SOX6: variants seen among roughly 807,000 people sequenced by gnomAD.
SOX6 encodes transcription factor SOX-6.
A neutral mutation model predicts 97.8 loss-of-function variants in SOX6; 11 were observed. The observed-to-expected ratio is 0.11, with a 90% CI of 0.07 to 0.19. The LOEUF (loss-of-function observed/expected upper bound fraction) is 0.19. Among genes scored for constraint, SOX6 ranks in the 10% least tolerant of loss-of-function variants. SOX6 has a pLI of 1.00. For synonymous variants in SOX6, 360 were observed against 371.4 expected (o/e 0.97, Z 0.35); for missense variants, 810 against 1,039.5 (o/e 0.78, Z 3.04).
chr11:16,137,165 G>C (rs1037063114), intron 6 of SOX6, among the ~76,000 whole-genome samples: 35 of 152,214 alleles, frequency 2.3e-4, no homozygotes, highest in African/African-American at 8.4e-4. Flanking sequence ...GCCGGGAGCA[G>C]TGGCTCATGC....
chr11:16,134,002 C>T (rs1849889837), intron 6 of SOX6, among the ~76,000 whole-genome samples: 1 of 152,114 alleles, frequency 6.6e-6, no homozygotes, highest in Non-Finnish European at 1.5e-5. Flanking sequence ...AGTTTTAAGC[C>T]ACTATGGTAA....
chr11:15,991,744 C>CA (rs1223075482), intron 13 of SOX6, among the ~76,000 whole-genome samples: 1 of 152,142 alleles, frequency 6.6e-6, no homozygotes, highest in African/African-American at 2.4e-5. Flanking sequence ...TTTACTGTCT[C>CA]AAAGACTGAC....
At chr11:16,241,816 T>G (rs1326932374) in intron 3 of SOX6, among the ~76,000 whole-genome samples, 2 of 151,610 alleles carry the variant, frequency 1.3e-5, no homozygotes, top group Non-Finnish European at 2.9e-5. Flanking sequence ...GCAATAAGAG[T>G]GAATGAAGCC....
At chr11:16,652,105 A>G (rs1454310578) in intron 3 of SOX6, among the ~76,000 whole-genome samples, 1 of 152,194 alleles carries the variant, frequency 6.6e-6, no homozygotes, top group African/African-American at 2.4e-5. Flanking sequence ...GCTGAAAGAA[A>G]TTATCAATGA....
chr11:16,477,109 G>T (rs1036705409), upstream of SOX6, among the ~76,000 whole-genome samples: 5 of 152,116 alleles, frequency 3.3e-5, no homozygotes, highest in African/African-American at 1.2e-4. Flanking sequence ...TCTAAATACA[G>T]CATATTTTTA....
intron 4 of SOX6, among the ~76,000 whole-genome samples, chr11:16,529,995 A>C (rs1861217178): frequency 6.6e-6 from 1 of 152,088 alleles, no homozygotes; most frequent in African/African-American, 2.4e-5. Flanking sequence ...TAGAAAGTCT[A>C]ACTATGAAAC....
At chr11:16,593,406 C>T (rs1221773744) in intron 4 of SOX6, among the ~76,000 whole-genome samples, 1 of 152,066 alleles carries the variant, frequency 6.6e-6, no homozygotes, top group Non-Finnish European at 1.5e-5. Flanking sequence ...AAAGTAAAGA[C>T]ACCAAGGCCA....
At chr11:16,402,783 T>A in intron 1 of SOX6, 1 of 1,599,334 alleles carries the variant, frequency 6.3e-7, no homozygotes. Context: ...TCTACTATTG[T>A]TACATGAGAC....
At chr11:16,031,799 G>C (rs960440779) in intron 12 of SOX6, among the ~76,000 whole-genome samples, 3 of 151,998 alleles carry the variant, frequency 2.0e-5, no homozygotes, top group African/African-American at 7.2e-5. Flanking sequence ...GGGTAGGAAG[G>C]AGGTTAGGGA....
At chr11:16,211,526 A>G (rs1327635511) in intron 4 of SOX6, among the ~76,000 whole-genome samples, 2 of 152,168 alleles carry the variant, frequency 1.3e-5, no homozygotes, top group East Asian at 3.9e-4. Context: ...ATAGTGCTGT[A>G]TCCAGGAGAC....
At chr11:16,319,042 A>C (rs1472153069) in intron 2 of SOX6, among the ~76,000 whole-genome samples, 1 of 152,152 alleles carries the variant, frequency 6.6e-6, no homozygotes, top group Non-Finnish European at 1.5e-5. Flanking sequence ...TTTTAATTGG[A>C]CACTTTTAGT....
intron 4 of SOX6, among the ~76,000 whole-genome samples, chr11:16,503,100 A>T (rs1430373075): frequency 6.6e-6 from 1 of 152,158 alleles, no homozygotes; most frequent in South Asian, 2.1e-4. Flanking sequence ...CTAAATATAC[A>T]ATACCCAGCA....
intron 6 of SOX6, among the ~76,000 whole-genome samples, chr11:16,147,290 G>T (rs894400144): frequency 6.6e-6 from 1 of 152,108 alleles, no homozygotes; most frequent in Non-Finnish European, 1.5e-5. Context: ...CTCATAGGTG[G>T]GAATTGAACA....
intron 1 of SOX6, among the ~76,000 whole-genome samples, chr11:16,343,698 T>C (rs1565102304): frequency 6.6e-6 from 1 of 151,888 alleles, no homozygotes; most frequent in Non-Finnish European, 1.5e-5. Context: ...GGAGTGTTAA[T>C]TGAAAATCAA....
intron 2 of SOX6, among the ~76,000 whole-genome samples, chr11:16,730,031 T>TATAA (rs1280606576): frequency 2.0e-5 from 3 of 147,076 alleles, no homozygotes; most frequent in Non-Finnish European, 3.0e-5. Flanking sequence ...CTATCCTAAA[T>TATAA]ATATATATAT....
At chr11:16,261,620 G>A (rs1412380702) in intron 3 of SOX6, among the ~76,000 whole-genome samples, 1 of 149,702 alleles carries the variant, frequency 6.7e-6, no homozygotes, top group African/African-American at 2.4e-5. Flanking sequence ...CTTAATAATG[G>A]GAGTCTTCTT....
rs369733325 is a variant in SOX6, at chr11:16,318,427, C to G, written c.445+19G>C. ...TTAGAAGAAAAAAAACAGAGCCCAA[C>G]AGTGAAGTCCACACATACCCTCTTG... On this transcript the variant is annotated intron_variant, in intron 3 of 15. Coordinates refer to ENST00000683767, the MANE Select transcript of SOX6 (RefSeq NM_001367873.1). 1.2e-6 allele frequency: 2 copies of G among 1,607,392 alleles called. No individual in the cohort carries two copies. Among genetic ancestry groups the G allele is most frequent in the Non-Finnish European group, 8.5e-7 (1 of 1,175,908 alleles).
At chr11:16,058,868 G>A (rs969764308) in intron 9 of SOX6, among the ~76,000 whole-genome samples, 2 of 152,076 alleles carry the variant, frequency 1.3e-5, no homozygotes, top group African/African-American at 4.8e-5. Flanking sequence ...GGGCTGGAAG[G>A]GAGGAGGCAG....
rs1849594020 is a variant in SOX6, at chr11:16,125,816, T to TGGAAGGAAGGAAGGAAGGAAGGA, written c.778-13894_778-13893insTCCTTCCTTCCTTCCTTCCTTCC. On this transcript the variant is annotated intron_variant, in intron 6 of 15. Transcript: ENST00000683767. Reference sequence around the variant, plus strand: ...CTTTCACATGTTCTTAAAGAAATCATAGGAAGGAAGGAAGGAAGGAAGGAA... The same window carrying TGGAAGGAAGGAAGGAAGGAAGGA: ...CTTTCACATGTTCTTAAAGAAATCATGGAAGGAAGGAAGGAAGGAAGGAAGGAAGGAAGGAAGGAAGGAAGGAA... 1.9e-4 allele frequency among the ~76,000 whole-genome samples: 19 copies of TGGAAGGAAGGAAGGAAGGAAGGA among 99,658 alleles called. 1 individual carries two copies. In the South Asian group the frequency reaches 7.2e-3, roughly 38 times the overall value. 65.4% of individuals were successfully genotyped at this position (99,658 alleles called of 152,430 possible).
Sources: gnomAD v4.1 joint callset for allele counts (sites outside exome capture counted in the v4.1 genomes callset) on GRCh38, gnomAD v4.1.1 for gene constraint, MANE v1.5 for transcripts, NCBI Gene and HGNC (gene_info 2026-07-23, HGNC 2026-07-21) for gene names.